NOS1AP: variants seen among roughly 807,000 people sequenced by gnomAD.
The protein encoded by NOS1AP is carboxyl-terminal PDZ ligand of neuronal nitric oxide synthase protein.
In NOS1AP, 21 loss-of-function variants were observed where a neutral mutation model predicts 56.2. The ratio of observed to expected loss-of-function variants is 0.37; its 90% CI spans 0.26 to 0.54. The LOEUF is 0.54. NOS1AP is among the 20% of genes least tolerant of loss of function. The pLI is 0.84. For missense variants in NOS1AP, 522 were observed against 657.8 expected (o/e 0.79, Z 2.26); for synonymous variants, 270 against 274.6 (o/e 0.98, Z 0.17).
At chr1:162,199,542 C>A (rs1380650417) in intron 2 of NOS1AP, among the ~76,000 whole-genome samples, 1 of 151,342 alleles carries the variant, frequency 6.6e-6, no homozygotes, top group Non-Finnish European at 1.5e-5. Context: ...AAGTCTAGAG[C>A]CTGGACCTCC....
chr1:162,267,815 GC>G (rs1473755222), intron 2 of NOS1AP, among the ~76,000 whole-genome samples: 1 of 152,116 alleles, frequency 6.6e-6, no homozygotes, highest in Admixed American at 6.6e-5. Flanking sequence ...TATGTTGATA[GC>G]CTTAATGGAG....
intron 1 of NOS1AP, among the ~76,000 whole-genome samples, chr1:162,098,495 GT>G (rs35614265): frequency 0.62 from 92,081 of 147,940 alleles, 28,803 homozygotes; most frequent in Non-Finnish European, 0.67. Context: ...TAACGGTGTC[GT>G]TTTTTTTTTT....
chr1:162,119,333 A>G (rs1243101187), intron 1 of NOS1AP, among the ~76,000 whole-genome samples: 1 of 152,096 alleles, frequency 6.6e-6, no homozygotes, highest in Non-Finnish European at 1.5e-5. Flanking sequence ...CACTGGCAAT[A>G]TGGAACCTGA....
chr1:162,187,287 ATCT>A (rs1246364277), intron 2 of NOS1AP, among the ~76,000 whole-genome samples: 2 of 152,104 alleles, frequency 1.3e-5, no homozygotes, highest in African/African-American at 2.4e-5. Flanking sequence ...AAGTTTTGTG[ATCT>A]TCTTTATTCA....
chr1:162,251,858 T>TG (rs1491334707), intron 2 of NOS1AP, among the ~76,000 whole-genome samples: 2 of 40,536 alleles, frequency 4.9e-5, no homozygotes, highest in Non-Finnish European at 1.8e-4. Context: ...TAGCTAGTTG[T>TG]TTTTTTTTTT....
chr1:162,192,194 G>A (rs1273618182), intron 2 of NOS1AP, among the ~76,000 whole-genome samples: 1 of 152,180 alleles, frequency 6.6e-6, no homozygotes, highest in Non-Finnish European at 1.5e-5. Flanking sequence ...ATCTGTGTTT[G>A]ACAAGCCCTC....
At chr1:162,115,829 G>A (rs1021613074) in intron 1 of NOS1AP, among the ~76,000 whole-genome samples, 1 of 152,136 alleles carries the variant, frequency 6.6e-6, no homozygotes, top group African/African-American at 2.4e-5. Flanking sequence ...CTGAACAATT[G>A]ACTTAAAAGA....
intron 1 of NOS1AP, among the ~76,000 whole-genome samples, chr1:162,153,682 A>G (rs1649811051): frequency 6.6e-6 from 1 of 152,230 alleles, no homozygotes; most frequent in Non-Finnish European, 1.5e-5. Flanking sequence ...ACCTTTACAT[A>G]AAACAAATTC....
At chr1:162,347,672 C>T (rs1426170258) in intron 6 of NOS1AP, among the ~76,000 whole-genome samples, 1 of 152,198 alleles carries the variant, frequency 6.6e-6, no homozygotes, top group African/African-American at 2.4e-5. Context: ...CAGTGGTCTG[C>T]TGGGTGGAGT....
chr1:162,248,385 G>A (rs1653740510), intron 2 of NOS1AP, among the ~76,000 whole-genome samples: 1 of 152,064 alleles, frequency 6.6e-6, no homozygotes, highest in Non-Finnish European at 1.5e-5. Flanking sequence ...AGTCTAGTGT[G>A]TCTTCCATTA....
chr1:162,321,719 TAAAA>T (rs201941230), intron 4 of NOS1AP, among the ~76,000 whole-genome samples: 13 of 137,868 alleles, frequency 9.4e-5, no homozygotes, highest in South Asian at 4.6e-4. Context: ...AAAGTATAAT[TAAAA>T]AAAAAAAAAT....
chr1:162,209,917 A>G (rs1014224540), intron 2 of NOS1AP, among the ~76,000 whole-genome samples: 2 of 152,224 alleles, frequency 1.3e-5, no homozygotes, highest in Non-Finnish European at 2.9e-5. Context: ...GGAATTCTTC[A>G]TCACTGGGGC....
chr1:162,099,967 A>AT (rs1259953546), intron 1 of NOS1AP, among the ~76,000 whole-genome samples: 7 of 151,180 alleles, frequency 4.6e-5, no homozygotes, highest in Non-Finnish European at 8.9e-5. Flanking sequence ...TGAACTCATC[A>AT]TTTTTTATGG....
At chr1:162,335,352 G>A (rs576203944) in intron 5 of NOS1AP, among the ~76,000 whole-genome samples, 1 of 152,356 alleles carries the variant, frequency 6.6e-6, no homozygotes, top group East Asian at 1.9e-4. Flanking sequence ...TGGGAAGGCT[G>A]GTTTCCAAGC....
intron 2 of NOS1AP, among the ~76,000 whole-genome samples, chr1:162,170,248 C>T (rs1650700364): frequency 6.6e-6 from 1 of 152,212 alleles, no homozygotes; most frequent in African/African-American, 2.4e-5. Context: ...GTGCTCACTA[C>T]ATGCCAGTTC....
rs76076535 is a variant in NOS1AP at position 162,275,527 on chromosome 1, G to T, written c.178-11817G>T. On this transcript the variant is annotated intron_variant, in intron 2 of 9. Transcript: ENST00000361897. ...GAGGTTTATTTTCATGTTCATTTTG[G>T]TTTTTTGCCTGATCTGGTCACATCT... 8.0e-3 allele frequency among the ~76,000 whole-genome samples: 1,213 copies of T among 152,192 alleles called. 15 individuals are homozygous for T. The highest frequency in any genetic ancestry group is 0.026 in the African/African-American group (1,099 of 41,534).
At chr1:162,241,482 C>T (rs1001037688) in intron 2 of NOS1AP, among the ~76,000 whole-genome samples, 6 of 152,170 alleles carry the variant, frequency 3.9e-5, no homozygotes, top group Non-Finnish European at 5.9e-5. Context: ...AATTACTTCA[C>T]ACTTGCTCTA....
chr1:162,264,445 C>CTT, intron 2 of NOS1AP, among the ~76,000 whole-genome samples: 1 of 11,646 alleles, frequency 8.6e-5, no homozygotes, highest in African/African-American at 2.9e-4. Context: ...CTTCTCTTCT[C>CTT]TTCTCTTCTC....
chr1:162,220,121 A>G (rs896763037), intron 2 of NOS1AP, among the ~76,000 whole-genome samples: 2 of 152,180 alleles, frequency 1.3e-5, no homozygotes, highest in African/African-American at 4.8e-5. Flanking sequence ...TTGTAGAGAT[A>G]GAGTCCAACT....
Sources: gnomAD v4.1 joint callset for allele counts (sites outside exome capture counted in the v4.1 genomes callset) on GRCh38, gnomAD v4.1.1 for gene constraint, MANE v1.5 for transcripts, NCBI Gene and HGNC (gene_info 2026-07-23, HGNC 2026-07-21) for gene names.